SF3A3: variants seen among roughly 807,000 people sequenced by gnomAD.
The protein encoded by SF3A3 is splicing factor 3a subunit 3, also known as SAP 61.
SF3A3 carries 9 observed loss-of-function variants against 85.8 expected under a neutral mutation model. That is an observed-to-expected ratio of 0.10 (90% CI 0.06 to 0.18). The LOEUF (loss-of-function observed/expected upper bound fraction) is 0.18. Ranked by LOEUF, SF3A3 falls within the 10% of genes least tolerant of loss-of-function variation. SF3A3 has a pLI of 1.00. For missense variants in SF3A3, 306 were observed against 593.3 expected, an observed-to-expected ratio of 0.52 and a Z score of 5.03; for synonymous variants, 195 against 204.4, an observed-to-expected ratio of 0.95 and a Z score of 0.39.
intron 12 of SF3A3, among the ~76,000 whole-genome samples, chr1:37,972,677 A>G (rs113467695): frequency 0.013 from 2,044 of 152,350 alleles, 58 homozygotes; most frequent in African/African-American, 0.047. Context: ...AAACAGAGAT[A>G]TAGACCAATG....
chr1:37,977,096 T>C lies in SF3A3; in HGVS notation c.936-143A>G, dbSNP rs921055115. On this transcript the variant is annotated intron_variant, in intron 11 of 16. Transcript: ENST00000373019. ...CGATGCTATGAAAGCAAATGCTCTG[T>C]TCATCTCAGGACTCTCTGACAAATA... The C allele has an allele frequency of 2.1e-5, 14 of 660,288 alleles. No homozygotes were observed. The South Asian group carries it at 2.5e-4, about 12-fold the overall frequency. 40.9% of individuals were successfully genotyped at this position (660,288 alleles called of 1,614,324 possible). A position where few individuals can be genotyped will look rare whatever the true frequency, so the allele number is the denominator to read the frequency against.
intron 4 of SF3A3, among the ~76,000 whole-genome samples, chr1:37,985,215 C>T (rs952047607): frequency 6.6e-6 from 1 of 152,218 alleles, no homozygotes; most frequent in Non-Finnish European, 1.5e-5. Context: ...AGGAAATCTA[C>T]TACTGTTCTC....
intron 15 of SF3A3, among the ~76,000 whole-genome samples, chr1:37,964,094 G>A (rs988173434): frequency 1.3e-5 from 2 of 151,796 alleles, no homozygotes. Flanking sequence ...CAGAAGAATC[G>A]CTTTAACCCG....
rs138541292 is a variant in SF3A3, at chr1:37,971,536, T to G, written c.1006-1801A>C. 9.9e-3 allele frequency among the ~76,000 whole-genome samples: 1,502 copies of G among 152,254 alleles called. 26 individuals are homozygous for G. The highest frequency in any genetic ancestry group is 0.034 in the African/African-American group (1,432 of 41,548). ...CCAACATCATCCTGATACCAAAGCC[T>G]GGCAGAGACCACAACAAAAAAAAGA... On this transcript the variant is annotated intron_variant, in intron 12 of 16. Coordinates refer to ENST00000373019, the MANE Select transcript of SF3A3 (RefSeq NM_006802.4).
Position 37,981,720 on chromosome 1 carries a change from A to T in SF3A3, c.551+9T>A. ...ATCCAGGAGAGGCCTAGAAACTATT[A>T]ATGCCTACCTCTTATACTCTGCATT... On this transcript the variant is annotated intron_variant, in intron 7 of 16. Coordinates refer to ENST00000373019, the MANE Select transcript of SF3A3 (RefSeq NM_006802.4). The T allele has an allele frequency of 1.3e-6, 2 of 1,486,932 alleles. No homozygotes were observed. The highest frequency in any genetic ancestry group is 1.9e-6 in the Non-Finnish European group (2 of 1,070,636). The allele number at this position is 1,486,932 out of a possible 1,614,324, so 92.1% of individuals were successfully genotyped here.
At chr1:37,972,432 C>T (rs1646350563) in intron 12 of SF3A3, among the ~76,000 whole-genome samples, 1 of 152,112 alleles carries the variant, frequency 6.6e-6, no homozygotes, top group Admixed American at 6.6e-5. Flanking sequence ...CCATACTGCC[C>T]AAGGTAATTT....
At chr1:37,961,823 T>C (rs1646261619) in intron 15 of SF3A3, among the ~76,000 whole-genome samples, 1 of 139,188 alleles carries the variant, frequency 7.2e-6, no homozygotes, top group Non-Finnish European at 1.5e-5. Flanking sequence ...GTCTCACGCC[T>C]GTAATCCCAG....
intron 6 of SF3A3, among the ~76,000 whole-genome samples, chr1:37,983,788 T>G (rs187303134): frequency 6.6e-6 from 1 of 151,216 alleles, no homozygotes; most frequent in African/African-American, 2.4e-5. Flanking sequence ...AGACAAAAAT[T>G]AGCCAAGTGT....
At chr1:37,961,776 A>AG (rs1557746257) in intron 15 of SF3A3, among the ~76,000 whole-genome samples, 2 of 146,610 alleles carry the variant, frequency 1.4e-5, no homozygotes, top group African/African-American at 5.1e-5. Context: ...AAAAAAAAAA[A>AG]AAAAAAAGAA....
At chr1:37,978,066 G>A (rs749272445) in intron 11 of SF3A3, among the ~76,000 whole-genome samples, 5 of 151,690 alleles carry the variant, frequency 3.3e-5, no homozygotes, top group African/African-American at 4.8e-5. Context: ...GGTCGGGCAC[G>A]GTGGCTCGCG....
chr1:37,990,015 C>G lies in SF3A3; in HGVS notation c.-50G>C, dbSNP rs1473034907. 2 of 1,379,688 alleles carry G rather than the reference C, an allele frequency of 1.4e-6. No homozygotes were observed. Among genetic ancestry groups the G allele is most frequent in the East Asian group, 2.3e-5 (1 of 43,794 alleles). The allele number at this position is 1,379,688 out of a possible 1,614,324, so 85.5% of individuals were successfully genotyped here. On this transcript the variant is annotated 5_prime_UTR_variant, in exon 1 of 17. Transcript: ENST00000373019. The stretch of plus-strand genomic sequence containing the variant: ...TTCAGACCACCAACACGGCCGGAAG[C>G]AACTCCTGCCGCCCAGCGCGCCTGA...
chr1:37,962,242 GAATCTA>G (rs1054425898), intron 15 of SF3A3, among the ~76,000 whole-genome samples: 2 of 112,884 alleles, frequency 1.8e-5, no homozygotes, highest in African/African-American at 6.9e-5. Flanking sequence ...AGCCCTTCAA[GAATCTA>G]ACCAAGAATT....
chr1:37,958,184 C>T lies in SF3A3; in HGVS notation c.*2G>A. On this transcript the variant is annotated 3_prime_UTR_variant, in exon 17 of 17. Transcript: ENST00000373019. ...CCAAAAGCTGAGCTACATCCCTGAA[C>T]ACTAGAGCAGTCCTTGTCTTTTCAG... 1 of 1,596,422 alleles carries T rather than the reference C, an allele frequency of 6.3e-7. No homozygotes were observed. The highest frequency in any genetic ancestry group is 8.6e-7 in the Non-Finnish European group (1 of 1,163,862).
chr1:37,989,484 T>G, intron 2 of SF3A3, 64 bp downstream of exon 2: 1 of 1,569,692 alleles, frequency 6.4e-7, no homozygotes, highest in South Asian at 1.1e-5. Flanking sequence ...GACACCGCAC[T>G]TCACTTCCCC....
intron 2 of SF3A3, among the ~76,000 whole-genome samples, chr1:37,988,520 T>C (rs1418416415): frequency 1.3e-5 from 2 of 152,238 alleles, no homozygotes; most frequent in South Asian, 4.1e-4. Flanking sequence ...TACTGTCAAG[T>C]GAGATCAGGT....
intron 15 of SF3A3, among the ~76,000 whole-genome samples, chr1:37,967,245 C>A (rs1372588057): frequency 2.1e-5 from 3 of 143,006 alleles, no homozygotes; most frequent in African/African-American, 7.9e-5. Context: ...CAGAGTGAGA[C>A]TCGTCTCAGA....
intron 15 of SF3A3, among the ~76,000 whole-genome samples, chr1:37,965,813 A>C (rs1158567915): frequency 7.2e-6 from 1 of 139,318 alleles, no homozygotes; most frequent in African/African-American, 2.7e-5. Flanking sequence ...AAGTGCCTGT[A>C]ATTTAACAGT....
intron 2 of SF3A3, among the ~76,000 whole-genome samples, chr1:37,988,803 C>A (rs769421410): frequency 7.9e-5 from 12 of 151,780 alleles, no homozygotes; most frequent in Middle Eastern, 3.4e-3. Context: ...GTTTAGTAGT[C>A]CAAAACGCTT....
At position 37,979,446 on chromosome 1, in the gene SF3A3, A is replaced by G. The variant is rs1431146684; in HGVS notation, c.759+19T>C. 5 of 1,586,432 alleles carry G rather than the reference A, an allele frequency of 3.2e-6. No individual in the cohort carries two copies. The highest frequency in any genetic ancestry group is 4.3e-6 in the Non-Finnish European group (5 of 1,155,308). On this transcript the variant is annotated intron_variant, in intron 9 of 16. Coordinates refer to ENST00000373019, the MANE Select transcript of SF3A3 (RefSeq NM_006802.4). ...AAAAATAGACAGAGAGAACACTACT[A>G]CTGCTGAAGGAAACATACCTCCCAG...
Sources: gnomAD v4.1 joint callset for allele counts (sites outside exome capture counted in the v4.1 genomes callset) on GRCh38, gnomAD v4.1.1 for gene constraint, MANE v1.5 for transcripts, NCBI Gene and HGNC (gene_info 2026-07-23, HGNC 2026-07-21) for gene names.